Variants in PRELID2 observed in about 807,000 individuals in gnomAD.
PRELID2 encodes the protein PRELI domain-containing protein 2.
A neutral mutation model predicts 28.4 loss-of-function variants in PRELID2; 25 were observed. That is an observed-to-expected ratio of 0.88 (90% CI 0.64 to 1.23). The LOEUF is 1.23. Among genes scored for constraint, PRELID2 ranks in the 50% most tolerant of loss-of-function variants. PRELID2 has a pLI of 0.00. For synonymous variants in PRELID2, 76 were observed against 71.6 expected (o/e 1.06, Z -0.31); for missense variants, 201 against 214.4 (o/e 0.94, Z 0.39).
the PRELID2 span, among the ~76,000 whole-genome samples, chr5:145,407,627 C>T: frequency 4.5e-3 from 682 of 152,262 alleles, 2 homozygotes; most frequent in African/African-American, 0.016. Flanking sequence ...TAGGGCAAAC[C>T]TAAATTCCCC....
chr5:145,640,508 G>T (rs528479438), intron 1 of PRELID2, among the ~76,000 whole-genome samples: 94 of 144,764 alleles, frequency 6.5e-4, no homozygotes, highest in African/African-American at 2.4e-3. Context: ...GCCGGCCATG[G>T]TGGCGGGCGC....
chr5:145,513,606 C>G (rs1025327297), intron 1 of PRELID2, among the ~76,000 whole-genome samples: 5 of 152,108 alleles, frequency 3.3e-5, no homozygotes, highest in Admixed American at 6.5e-5. Flanking sequence ...CCCAACCTAG[C>G]AAGACAGGCC....
the PRELID2 span, among the ~76,000 whole-genome samples, chr5:145,336,044 T>C: frequency 1.3e-5 from 2 of 152,382 alleles, no homozygotes; most frequent in African/African-American, 2.4e-5. Context: ...CATTTTATCA[T>C]GTGTCTTTTG....
intron 4 of PRELID2, among the ~76,000 whole-genome samples, chr5:145,801,002 A>AACAGATGG (rs368177532): frequency 6.6e-6 from 1 of 152,104 alleles, no homozygotes; most frequent in Non-Finnish European, 1.5e-5. Flanking sequence ...CGGACGGATG[A>AACAGATGG]ACAGATGGAC....
At chr5:145,616,332 G>A (rs1035819773) in intron 1 of PRELID2, among the ~76,000 whole-genome samples, 3 of 152,074 alleles carry the variant, frequency 2.0e-5, no homozygotes, top group African/African-American at 7.2e-5. Context: ...CCCTAAATAT[G>A]TTTTCCGAAC....
the PRELID2 span, among the ~76,000 whole-genome samples, chr5:145,307,881 C>T: frequency 2.0e-5 from 3 of 152,270 alleles, no homozygotes; most frequent in East Asian, 1.9e-4. Flanking sequence ...CATCTATGTA[C>T]GGTCATTTAC....
At chr5:145,479,728 C>T (rs1752139032) in intron 1 of PRELID2, among the ~76,000 whole-genome samples, 1 of 152,178 alleles carries the variant, frequency 6.6e-6, no homozygotes, top group Non-Finnish European at 1.5e-5. Context: ...CTTCCAGAAA[C>T]AGAAATTTTG....
the PRELID2 span, among the ~76,000 whole-genome samples, chr5:145,417,395 C>T: frequency 6.6e-6 from 1 of 152,056 alleles, no homozygotes; most frequent in Non-Finnish European, 1.5e-5. Context: ...GTAACTCATT[C>T]TATGAGGCCA....
At chr5:145,579,805 G>T (rs1753092423) in intron 1 of PRELID2, among the ~76,000 whole-genome samples, 1 of 152,016 alleles carries the variant, frequency 6.6e-6, no homozygotes, top group Admixed American at 6.6e-5. Flanking sequence ...GAAAGGAAAT[G>T]AACACATATT....
the PRELID2 span, among the ~76,000 whole-genome samples, chr5:145,466,755 C>T: frequency 1.3e-5 from 2 of 151,970 alleles, no homozygotes; most frequent in Admixed American, 6.6e-5. Context: ...TCTAAGCAGG[C>T]CACTAAAATA....
the PRELID2 span, chr5:145,230,161 C>T: frequency 2.3e-6 from 1 of 434,698 alleles, no homozygotes; most frequent in Non-Finnish European, 4.3e-6. Context: ...CCCCAGCTGG[C>T]AACCTAGTGG....
chr5:145,316,928 C>G, the PRELID2 span, among the ~76,000 whole-genome samples: 1 of 152,200 alleles, frequency 6.6e-6, no homozygotes, highest in Admixed American at 6.5e-5. Flanking sequence ...AGAATTTAGT[C>G]TTGCTCTCAC....
At chr5:145,716,356 C>T (rs978108015) in intron 1 of PRELID2, among the ~76,000 whole-genome samples, 2 of 152,136 alleles carry the variant, frequency 1.3e-5, no homozygotes, top group African/African-American at 2.4e-5. Flanking sequence ...AGAAAACCAC[C>T]AGGAATCCTT....
chr5:145,456,631 T>C, the PRELID2 span, among the ~76,000 whole-genome samples: 5 of 152,186 alleles, frequency 3.3e-5, no homozygotes, highest in African/African-American at 9.7e-5. Flanking sequence ...GTTTATCATA[T>C]GTCTACCACC....
At chr5:145,623,606 C>T (rs4579305) in intron 1 of PRELID2, among the ~76,000 whole-genome samples, 16,291 of 151,914 alleles carry the variant, frequency 0.11, 1,166 homozygotes, top group Admixed American at 0.2. Flanking sequence ...GATAGACAGA[C>T]AGATAGATAA....
At position 145,639,499 on chromosome 5, in the gene PRELID2, G is replaced by A. The variant is rs139192300; in HGVS notation, n.70+125432C>T. On this transcript the variant is annotated intron_variant and non_coding_transcript_variant, in intron 1 of 2. Transcript: ENST00000510259. ...CAAACATTTAGAGCTAAAACATCTA[G>A]CATTGAAATAATTACTTTGGAGTCT... Among the ~76,000 whole-genome samples the A allele has an allele frequency of 6.4e-3, 982 of 152,254 alleles. 9 individuals are homozygous for A. The highest frequency in any genetic ancestry group is 0.01 in the Middle Eastern group (3 of 294).
At chr5:145,646,366 G>A (rs1642674499) in intron 1 of PRELID2, among the ~76,000 whole-genome samples, 1 of 152,048 alleles carries the variant, frequency 6.6e-6, no homozygotes, top group South Asian at 2.1e-4. Context: ...TTCTCGTGCT[G>A]TGTTTTTCAA....
intron 1 of PRELID2, among the ~76,000 whole-genome samples, chr5:145,548,162 T>C (rs1295854241): frequency 6.6e-6 from 1 of 152,202 alleles, no homozygotes; most frequent in East Asian, 1.9e-4. Flanking sequence ...ACCCAAGTTA[T>C]AAAATGTGGA....
chr5:145,689,268 G>C (rs1755097693), intron 1 of PRELID2, among the ~76,000 whole-genome samples: 1 of 151,946 alleles, frequency 6.6e-6, no homozygotes, highest in Admixed American at 6.6e-5. Context: ...GTCTCCAAGA[G>C]ACCTCCGTGA....
Sources: allele counts gnomAD v4.1 joint callset (sites outside exome capture counted in the v4.1 genomes callset), GRCh38; gene constraint gnomAD v4.1.1; transcripts MANE v1.5; gene names NCBI Gene and HGNC (gene_info 2026-07-23, HGNC 2026-07-21).